The following SELENOT variants were observed in gnomAD, a reference collection of about 807,000 sequenced individuals.
The protein encoded by SELENOT is selenoprotein T.
A neutral mutation model predicts 24.3 loss-of-function variants in SELENOT; 9 were observed. The ratio of observed to expected loss-of-function variants is 0.37; its 90% CI spans 0.22 to 0.65. The LOEUF (loss-of-function observed/expected upper bound fraction) is 0.65. SELENOT is among the 30% of genes least tolerant of loss of function. The pLI is 0.60. For missense variants in SELENOT, 166 were observed against 247.6 expected (o/e 0.67, Z 2.21); for synonymous variants, 81 against 86.0 (o/e 0.94, Z 0.32).
At position 150,628,976 on chromosome 3, in the gene SELENOT, C is replaced by A. The variant is rs1032156429; in HGVS notation, c.*1347C>A. The stretch of plus-strand genomic sequence containing the variant: ...GTTTGGAATATTTGCATTATACTTA[C>A]CAGTTGGGCATCCCAAATCTGAAAT... On this transcript the variant is annotated 3_prime_UTR_variant, in exon 6 of 6. Transcript: ENST00000471696. The A allele has an allele frequency of 2.6e-5, 4 of 152,098 alleles. No individual in the cohort carries two copies. Among genetic ancestry groups the A allele is most frequent in the Non-Finnish European group, 4.4e-5 (3 of 68,014 alleles). The allele number at this position is 152,098 out of a possible 1,614,324, so 9.4% of individuals were successfully genotyped here. A position where few individuals can be genotyped will look rare whatever the true frequency, so the allele number is the denominator to read the frequency against.
In SELENOT at chr3:150,622,473, T is replaced by C; in HGVS notation, c.226T>C (p.Tyr76His). 6.7e-7 allele frequency: 1 copy of C among 1,494,540 alleles called. No individual in the cohort carries two copies. Among genetic ancestry groups the C allele is most frequent in the Non-Finnish European group, 9.0e-7 (1 of 1,109,626 alleles). 92.6% of individuals were successfully genotyped at this position (1,494,540 alleles called of 1,614,324 possible). The change falls in exon 2 of 6, where the codon TAC becomes CAC. Residue 76 changes from tyrosine to histidine, a missense_variant. By Grantham distance (83) the Tyr-to-His change is moderately conservative. Around this residue, in one of 5 missense-constraint regions of SELENOT, gnomAD observed 71 missense variants for 89.2 expected, o/e 0.80. Transcript: ENST00000471696. ...YPDIRIEGEN[Y>H]LPQPIYRHIA... Reference sequence around the variant, plus strand: ...AGACATCCGCATTGAAGGAGAGAATTACCTCCCTCAACCAATATATAGGTA... The same window carrying C: ...AGACATCCGCATTGAAGGAGAGAATCACCTCCCTCAACCAATATATAGGTA...
intron 1 of SELENOT, among the ~76,000 whole-genome samples, chr3:150,605,758 G>GAATATTGGGTTTC (rs1202340006): frequency 6.6e-6 from 1 of 152,160 alleles, no homozygotes; most frequent in African/African-American, 2.4e-5. Context: ...ATGGTAAAGT[G>GAATATTGGGTTTC]AATATTGGGT....
intron 1 of SELENOT, among the ~76,000 whole-genome samples, chr3:150,618,003 C>T (rs1726258199): frequency 6.6e-6 from 1 of 152,052 alleles, no homozygotes; most frequent in African/African-American, 2.4e-5. Context: ...ACTACAGGCA[C>T]GCGCCACCAT....
At chr3:150,624,324 C>G (rs1000158171) in intron 3 of SELENOT, among the ~76,000 whole-genome samples, 2 of 152,128 alleles carry the variant, frequency 1.3e-5, no homozygotes, top group Non-Finnish European at 2.9e-5. Flanking sequence ...AATTTTCTGT[C>G]CAACAAGAAA....
At chr3:150,603,546 G>C (rs773545439) in intron 1 of SELENOT, 47 bp downstream of exon 1, 13 of 1,528,522 alleles carry the variant, frequency 8.5e-6, no homozygotes, top group Middle Eastern at 1.7e-4. Flanking sequence ...GCCTCTGCTC[G>C]GCGCCATTGG....
chr3:150,611,762 G>A (rs1040924116), intron 1 of SELENOT: 8 of 1,293,674 alleles, frequency 6.2e-6, no homozygotes, highest in Middle Eastern at 2.1e-4. Flanking sequence ...GGGCCCAGCC[G>A]CTGAGACCGC....
At chr3:150,620,554 A>G (rs964321919) in intron 1 of SELENOT, among the ~76,000 whole-genome samples, 1 of 152,210 alleles carries the variant, frequency 6.6e-6, no homozygotes, top group Non-Finnish European at 1.5e-5. Flanking sequence ...GCGTTCAGTA[A>G]ATATTTGAGT....
At chr3:150,603,622 G>C in intron 1 of SELENOT, 123 bp downstream of exon 1, 1 of 1,195,260 alleles carries the variant, frequency 8.4e-7, no homozygotes, top group Non-Finnish European at 1.1e-6. Flanking sequence ...GAACTGTGCC[G>C]GCGCCCTTCC....
At chr3:150,610,316 A>G (rs1384527510) in intron 1 of SELENOT, among the ~76,000 whole-genome samples, 2 of 152,204 alleles carry the variant, frequency 1.3e-5, no homozygotes, top group South Asian at 2.1e-4. Context: ...TAGTTGTGTC[A>G]TTAAGCAGAA....
At chr3:150,618,282 A>G (rs185826023) in intron 1 of SELENOT, among the ~76,000 whole-genome samples, 45 of 152,352 alleles carry the variant, frequency 3.0e-4, no homozygotes, top group African/African-American at 9.4e-4. Flanking sequence ...ATGGGACCCA[A>G]TGCTATGCGT....
Position 150,629,417 on chromosome 3 carries a change from G to A in SELENOT, c.*1788G>A, listed in dbSNP as rs550639735. 5 of 152,694 alleles carry A rather than the reference G, an allele frequency of 3.3e-5. No homozygotes were observed. In the East Asian group the frequency reaches 9.6e-4, roughly 29 times the overall value. The allele number at this position is 152,694 out of a possible 1,614,324, so 9.5% of individuals were successfully genotyped here. A position where few individuals can be genotyped will look rare whatever the true frequency, so the allele number is the denominator to read the frequency against. ...GAGCTTGAAACCTTGTTATCTGATT[G>A]TGTACCACTCCAAATTCCCTGCCTT... On this transcript the variant is annotated 3_prime_UTR_variant, in exon 6 of 6. Transcript: ENST00000471696.
intron 1 of SELENOT, chr3:150,611,744 GC>G (rs1726097665): frequency 5.6e-6 from 8 of 1,425,890 alleles, no homozygotes; most frequent in South Asian, 3.5e-5. Context: ...CGGCCTGGCC[GC>G]CCCCAGGGGC....
At chr3:150,624,472 A>C (rs1162806897) in intron 3 of SELENOT, among the ~76,000 whole-genome samples, 1 of 152,200 alleles carries the variant, frequency 6.6e-6, no homozygotes, top group Non-Finnish European at 1.5e-5. Flanking sequence ...TACAGGTTGT[A>C]TTGAATATTA....
At chr3:150,620,496 C>T (rs1307684597) in intron 1 of SELENOT, among the ~76,000 whole-genome samples, 4 of 152,198 alleles carry the variant, frequency 2.6e-5, no homozygotes, top group Non-Finnish European at 4.4e-5. Flanking sequence ...GTGTTACTCA[C>T]CACTAAATAC....
intron 1 of SELENOT, among the ~76,000 whole-genome samples, chr3:150,604,375 G>A (rs1265963917): frequency 6.6e-6 from 1 of 151,984 alleles, no homozygotes; most frequent in African/African-American, 2.4e-5. Flanking sequence ...CTGAAGATGG[G>A]GGAAAAAACA....
intron 1 of SELENOT, among the ~76,000 whole-genome samples, chr3:150,607,494 C>T (rs1038438558): frequency 1.3e-5 from 2 of 152,184 alleles, no homozygotes; most frequent in Admixed American, 6.5e-5. Context: ...TTGCTTCCTG[C>T]GGAGAATTCA....
intron 1 of SELENOT, among the ~76,000 whole-genome samples, chr3:150,605,013 G>A (rs976059194): frequency 7.0e-6 from 1 of 142,146 alleles, no homozygotes; most frequent in Non-Finnish European, 1.5e-5. Context: ...CTCCAGCCTG[G>A]GCAACAAGAG....
Position 150,603,418 on chromosome 3 carries a change from C to A in SELENOT, c.56C>A (p.Ala19Asp), listed in dbSNP as rs1334501833. The A allele has an allele frequency of 1.9e-6, 3 of 1,613,366 alleles. No individual in the cohort carries two copies. Among genetic ancestry groups the A allele is most frequent in the South Asian group, 2.2e-5 (2 of 91,068 alleles). ...VAASAMVRSE[A>D]SANLGGVPSK... ...GCGTCTGCGATGGTCCGGAGCGAGG[C>A]CTCGGCCAATCTGGGCGGCGTGCCC... is the stretch of plus-strand genomic sequence containing the variant. Residue 19 changes from alanine (A) to aspartate (D), a missense_variant, in exon 1 of 6, where the codon GCC becomes GAC. Around this residue, in one of 5 missense-constraint regions of SELENOT, gnomAD observed 46 missense variants for 49.3 expected, o/e 0.93. Transcript: ENST00000471696.
intron 1 of SELENOT, among the ~76,000 whole-genome samples, chr3:150,617,783 CAAAA>C (rs77500541): frequency 6.6e-6 from 1 of 150,512 alleles, no homozygotes; most frequent in African/African-American, 2.4e-5. Context: ...TAAAAAAAAA[CAAAA>C]AAAAACTGAG....
Sources: allele counts gnomAD v4.1 joint callset (sites outside exome capture counted in the v4.1 genomes callset), GRCh38; gene constraint gnomAD v4.1.1; regional missense constraint gnomAD v4.1.1; transcripts MANE v1.5; gene names NCBI Gene and HGNC (gene_info 2026-07-23, HGNC 2026-07-21).